Variants in APBA2 observed in about 807,000 individuals in gnomAD.
APBA2 encodes the protein amyloid beta precursor protein binding family A member 2, also known as amyloid-beta A4 precursor protein-binding family A member 2.
Under a neutral mutation model 75.0 loss-of-function variants are expected in APBA2, and 30 were observed. That is an observed-to-expected ratio of 0.40 (90% CI 0.30 to 0.54). The LOEUF is 0.54. APBA2 is among the 20% of genes least tolerant of loss of function. APBA2 has a pLI of 0.49. For missense variants in APBA2, 801 were observed against 1,016.1 expected (o/e 0.79, Z 2.88); for synonymous variants, 444 against 409.6 (o/e 1.08, Z -1.01).
chr15:29,002,457 C>T (rs1483373152), intron 3 of APBA2, among the ~76,000 whole-genome samples: 4 of 152,026 alleles, frequency 2.6e-5, no homozygotes, highest in Non-Finnish European at 5.9e-5. Flanking sequence ...GATGGCATGC[C>T]ACCCTGGATG....
At chr15:28,955,334 G>A (rs1288853455) in intron 2 of APBA2, among the ~76,000 whole-genome samples, 3 of 152,142 alleles carry the variant, frequency 2.0e-5, no homozygotes, top group South Asian at 2.1e-4. Flanking sequence ...TTTCTCAACC[G>A]TACTTCCTGT....
At chr15:28,985,575 T>G (rs2037877330) in intron 2 of APBA2, among the ~76,000 whole-genome samples, 2 of 152,248 alleles carry the variant, frequency 1.3e-5, no homozygotes, top group Non-Finnish European at 2.9e-5. Flanking sequence ...AAATGGATTT[T>G]GGACTTCGTT....
chr15:29,004,437 T>G lies in APBA2; in HGVS notation c.-41+8631T>G, dbSNP rs569983272. Among the ~76,000 whole-genome samples the G allele has an allele frequency of 1.8e-4, 27 of 152,354 alleles. No homozygotes were observed. The South Asian group carries it at 5.0e-3, about 28-fold the overall frequency. On this transcript the variant is annotated intron_variant, in intron 3 of 14. Transcript: ENST00000683413. ...TAGTGGCACTCTCAGTCCTGAAAGCTAGAGGCCATTTCCACATTGGTGTAG... is the reference window on the plus strand; with the variant it reads ...TAGTGGCACTCTCAGTCCTGAAAGCGAGAGGCCATTTCCACATTGGTGTAG...
chr15:28,914,286 C>T (rs1211634280), intron 1 of APBA2, among the ~76,000 whole-genome samples: 5 of 151,904 alleles, frequency 3.3e-5, no homozygotes, highest in Admixed American at 3.3e-4. Context: ...ACCTCCGAGC[C>T]TGGTGTATGA....
Position 28,910,490 on chromosome 15 carries a change from A to G in APBA2, c.-204-11150A>G, listed in dbSNP as rs1595438871. Among the ~76,000 whole-genome samples the G allele has an allele frequency of 4.6e-5, 7 of 152,184 alleles. No homozygotes were observed. The South Asian group carries it at 1.0e-3, about 23-fold the overall frequency. ...CAGATGGGACCAGCATTTTTCAGCA[A>G]CTTTCAAGGTCTTGTGTCACAGGAA... is the stretch of plus-strand genomic sequence containing the variant. On this transcript the variant is annotated intron_variant, in intron 1 of 14. Coordinates refer to ENST00000683413, the MANE Select transcript of APBA2 (RefSeq NM_001353788.2).
intron 2 of APBA2, among the ~76,000 whole-genome samples, chr15:28,979,597 G>A (rs2037516213): frequency 6.6e-6 from 1 of 152,142 alleles, no homozygotes; most frequent in African/African-American, 2.4e-5. Context: ...GTGTCAGCAG[G>A]GTGCTATGTC....
At chr15:29,076,507 G>A (rs1244994295) in intron 6 of APBA2, among the ~76,000 whole-genome samples, 1 of 151,222 alleles carries the variant, frequency 6.6e-6, no homozygotes, top group East Asian at 1.9e-4. Context: ...TTTTGAGGAG[G>A]TTAATAGTGC....
intron 2 of APBA2, among the ~76,000 whole-genome samples, chr15:28,964,842 C>G (rs909420275): frequency 6.6e-6 from 1 of 151,854 alleles, no homozygotes; most frequent in African/African-American, 2.4e-5. Flanking sequence ...GTTTTAAGGG[C>G]TGTTTATATA....
At chr15:29,038,879 G>A (rs960532521) in intron 3 of APBA2, among the ~76,000 whole-genome samples, 3 of 151,336 alleles carry the variant, frequency 2.0e-5, no homozygotes, top group Non-Finnish European at 4.4e-5. Context: ...TCACTATGTT[G>A]GCCAGGCTGG....
intron 9 of APBA2, among the ~76,000 whole-genome samples, chr15:29,099,208 C>A (rs547427323): frequency 4.5e-4 from 68 of 152,328 alleles, no homozygotes; most frequent in African/African-American, 1.6e-3. Flanking sequence ...TAGATCCCCC[C>A]ACCAACCCTC....
intron 2 of APBA2, among the ~76,000 whole-genome samples, chr15:28,922,557 C>T (rs2034029517): frequency 6.6e-6 from 1 of 152,172 alleles, no homozygotes; most frequent in South Asian, 2.1e-4. Flanking sequence ...CACAATGGGG[C>T]CACAGCTGTG....
intron 2 of APBA2, among the ~76,000 whole-genome samples, chr15:28,960,167 A>G (rs2036390298): frequency 6.7e-6 from 1 of 149,084 alleles, no homozygotes. Flanking sequence ...AAAAAAAAAA[A>G]AGACACTTTG....
intron 2 of APBA2, among the ~76,000 whole-genome samples, chr15:28,986,972 C>G (rs1475363868): frequency 6.6e-6 from 1 of 152,212 alleles, no homozygotes; most frequent in African/African-American, 2.4e-5. Context: ...AGGCCATCTT[C>G]TCACTACATC....
chr15:29,050,347 A>G (rs2041536142), intron 3 of APBA2, among the ~76,000 whole-genome samples: 1 of 152,250 alleles, frequency 6.6e-6, no homozygotes, highest in Non-Finnish European at 1.5e-5. Flanking sequence ...TAAGTAAACA[A>G]AATGACTCTA....
At chr15:29,106,428 T>TG (rs1415488949) in intron 11 of APBA2, among the ~76,000 whole-genome samples, 179 bp from the exon 12 acceptor site, 10 of 1,652 alleles carry the variant, frequency 6.1e-3, no homozygotes, top group African/African-American at 9.2e-3. Context: ...GGGGTGAGGC[T>TG]GGGGGTGGGT....
chr15:28,917,380 TG>T (rs1432688356), intron 1 of APBA2, among the ~76,000 whole-genome samples: 1 of 152,248 alleles, frequency 6.6e-6, no homozygotes, highest in African/African-American at 2.4e-5. Context: ...GGGTCCGGCT[TG>T]CACTGCATTC....
intron 4 of APBA2, among the ~76,000 whole-genome samples, chr15:29,055,480 G>C (rs544857298): frequency 2.6e-5 from 4 of 152,160 alleles, no homozygotes; most frequent in African/African-American, 4.8e-5. Flanking sequence ...CAAAGTCAGC[G>C]TGCATTCTAA....
At chr15:28,981,646 C>T (rs1295287861) in intron 2 of APBA2, among the ~76,000 whole-genome samples, 1 of 152,204 alleles carries the variant, frequency 6.6e-6, no homozygotes, top group Non-Finnish European at 1.5e-5. Flanking sequence ...CCAGCAATCC[C>T]ATTCCTCAGT....
chr15:29,106,892 C>T, intron 12 of APBA2, 73 bp downstream of exon 12: 3 of 1,400,424 alleles, frequency 2.1e-6, no homozygotes, highest in South Asian at 2.4e-5. Context: ...TTGCTGCAAT[C>T]CCCACTTCAC....
Sources: gnomAD v4.1 joint callset for allele counts (sites outside exome capture counted in the v4.1 genomes callset) on GRCh38, gnomAD v4.1.1 for gene constraint, MANE v1.5 for transcripts, NCBI Gene and HGNC (gene_info 2026-07-23, HGNC 2026-07-21) for gene names.